HUWE1: variants seen among roughly 807,000 people sequenced by gnomAD.
HUWE1 encodes the protein HECT, UBA and WWE domain containing E3 ubiquitin protein ligase 1, also known as E3 ubiquitin-protein ligase HUWE1.
A neutral mutation model predicts 299.4 loss-of-function variants in HUWE1; 18 were observed. The observed-to-expected ratio is 0.06, with a 90% confidence interval of 0.04 to 0.09. HUWE1 has a LOEUF of 0.09. Among genes scored for constraint, HUWE1 ranks in the 10% least tolerant of loss-of-function variants. The probability of loss-of-function intolerance (pLI) is 1.00; values close to 1 mark genes in which losing one functional copy is unlikely to be tolerated. For synonymous variants in HUWE1, 1,317 were observed against 1,286.1 expected (o/e 1.02, Z -0.51); for missense variants, 1,832 against 3,462.3 (o/e 0.53, Z 11.82).
chrX:53,533,863 T>G (rs1556908929), intron 83 of HUWE1, 144 bp downstream of exon 83: 1 of 571,125 alleles, frequency 1.8e-6, no homozygotes, highest in Non-Finnish European at 3.0e-6. Flanking sequence ...AAACATCACC[T>G]CCATAGAAAC....
intron 25 of HUWE1, 57 bp from the exon 26 acceptor site, chrX:53,604,891 G>A: frequency 9.3e-7 from 1 of 1,078,331 alleles, no homozygotes; most frequent in South Asian, 1.9e-5. Context: ...AATTCATCAT[G>A]TCTTTTAATA....
chrX:53,618,361 G>GT (rs1341545675), intron 19 of HUWE1, among the ~76,000 whole-genome samples: 2 of 109,809 alleles, frequency 1.8e-5, no homozygotes, highest in Non-Finnish European at 3.8e-5. Context: ...TCTACAAAGT[G>GT]TATGCCAACA....
chrX:53,569,220 T>C (rs782266240), intron 48 of HUWE1, among the ~76,000 whole-genome samples: 26 of 112,090 alleles, frequency 2.3e-4, no homozygotes, highest in Non-Finnish European at 3.9e-4. Context: ...GGTTTCGCCA[T>C]GTTGCCAAGG....
chrX:53,663,725 T>C lies in HUWE1; in HGVS notation c.-24-9594A>G, dbSNP rs782168423. ...TTCACTGTAATATAATAAGCACTTA[T>C]GCAGGTTTGAACAGAATGATATCCA... On this transcript the variant is annotated intron_variant, in intron 3 of 83. Transcript: ENST00000262854. Among the ~76,000 whole-genome samples, 19 of 111,210 alleles carry C rather than the reference T, an allele frequency of 1.7e-4. No homozygotes were observed. In the East Asian group the frequency reaches 4.2e-3, roughly 25 times the overall value.
chrX:53,549,202 A>G lies in HUWE1; in HGVS notation c.9792T>C (p.His3264=). ...GTAGCAGGTCCAGGGGACGGTTCTC[A>G]TGGCTACTTGACCCACAGCTCTTGC... ...KSSKSCGSSS[H]ENRPLDLLHK... is the part of the protein sequence containing the mutation. The change falls in exon 67 of 84, where the codon CAT becomes CAC. Residue 3264 remains histidine (H), a synonymous_variant. Coordinates refer to ENST00000262854, the MANE Select transcript of HUWE1 (RefSeq NM_031407.7). The G allele has an allele frequency of 8.3e-7, 1 of 1,212,011 alleles. No individual in the cohort carries two copies. The highest frequency in any genetic ancestry group is 2.3e-4 in the Middle Eastern group (1 of 4,352).
rs188771707 is a variant in HUWE1, at chrX:53,621,855, C to T, written c.1672+2740G>A. Among the ~76,000 whole-genome samples the T allele has an allele frequency of 2.7e-5, 3 of 112,304 alleles. No individual in the cohort carries two copies. The East Asian group carries it at 8.4e-4, about 31-fold the overall frequency. On this transcript the variant is annotated intron_variant, in intron 19 of 83. Transcript: ENST00000262854. Reference sequence around the variant, plus strand: ...TGGAGGATTTCAATACTCATATTGACAACTTGCTACACTCTCTGGTTAAGT... The same window carrying T: ...TGGAGGATTTCAATACTCATATTGATAACTTGCTACACTCTCTGGTTAAGT...
At chrX:53,546,888 A>G (rs1401173243) in intron 68 of HUWE1, 63 bp from the exon 69 acceptor site, 65 of 1,157,449 alleles carry the variant, frequency 5.6e-5, no homozygotes, top group Non-Finnish European at 7.4e-5. Context: ...GGACTAAGTG[A>G]CAAAATCAAG....
At chrX:53,638,662 T>C (rs1172789483) in intron 7 of HUWE1, among the ~76,000 whole-genome samples, 1 of 112,271 alleles carries the variant, frequency 8.9e-6, no homozygotes, top group Non-Finnish European at 1.9e-5. Context: ...GGGAACTTTA[T>C]AGCAATGCAA....
At position 53,577,479 on chromosome X, in the gene HUWE1, CCCTCTCCCT is replaced by C. The variant is rs1181029278; in HGVS notation, c.5717-421_5717-413del. Among the ~76,000 whole-genome samples, 705 of 85,265 alleles carry C rather than the reference CCCTCTCCCT, an allele frequency of 8.3e-3. 7 individuals are homozygous for C. Among genetic ancestry groups the C allele is most frequent in the African/African-American group, 0.024 (589 of 24,143 alleles). 74.0% of individuals were successfully genotyped at this position (85,265 alleles called of 115,157 possible). A position where few individuals can be genotyped will look rare whatever the true frequency, so the allele number is the denominator to read the frequency against. ...TATTAAAAAAAAAAAAAAAAAAACT[CCCTCTCCCT>C]CCTCTCCCTCCTCTCCCTCTCCCTC... On this transcript the variant is annotated intron_variant, in intron 43 of 83. Transcript: ENST00000262854.
intron 31 of HUWE1, among the ~76,000 whole-genome samples, chrX:53,593,930 C>T (rs942882721): frequency 7.3e-5 from 8 of 110,279 alleles, no homozygotes; most frequent in African/African-American, 2.6e-4. Context: ...AACCTCGTCT[C>T]TACTAAATAT....
At chrX:53,554,535 CCTA>C (rs1475380335) in intron 61 of HUWE1, 95 bp downstream of exon 61, 1 of 879,475 alleles carries the variant, frequency 1.1e-6, no homozygotes, top group African/African-American at 2.0e-5. Context: ...AAGTTGAACT[CCTA>C]CTATTTCTCT....
intron 2 of HUWE1, among the ~76,000 whole-genome samples, chrX:53,682,410 T>C (rs1299153986): frequency 1.8e-5 from 2 of 111,349 alleles, no homozygotes; most frequent in Non-Finnish European, 3.8e-5. Flanking sequence ...CTCCTCAATC[T>C]ATGCAACACT....
chrX:53,631,965 T>A (rs1381512722), intron 9 of HUWE1: 3 of 328,602 alleles, frequency 9.1e-6, no homozygotes, highest in Non-Finnish European at 1.6e-5. Flanking sequence ...TCTGAATATG[T>A]ATTAGAGTTG....
chrX:53,539,531 T>C, intron 75 of HUWE1, 126 bp downstream of exon 75: 1 of 649,439 alleles, frequency 1.5e-6, no homozygotes, highest in Admixed American at 3.0e-5. Flanking sequence ...AACACTTCTC[T>C]TTTGAATTCT....
chrX:53,590,074 A>G (rs782163038), intron 35 of HUWE1, among the ~76,000 whole-genome samples: 16 of 112,325 alleles, frequency 1.4e-4, no homozygotes, highest in Non-Finnish European at 2.8e-4. Context: ...AATCATTTCT[A>G]GACACTGTTC....
rs1265055441 is a variant in HUWE1 at position 53,628,786 on chromosome X, T to C, written c.1080A>G (p.Pro360=). ...CCTGGATACAGTTCCTTACAAGCAC[T>C]GGCAAAAATCCATGGTAGGAGGCAG... ...TGTASYHGFL[P]VLVRNCIQAM... is the part of the protein sequence containing the mutation. Residue 360 remains proline (P), a synonymous_variant, in exon 14 of 84, where the codon CCA becomes CCG. Transcript: ENST00000262854. The C allele has an allele frequency of 3.3e-6, 4 of 1,211,827 alleles. No homozygotes were observed. The highest frequency in any genetic ancestry group is 4.5e-6 in the Non-Finnish European group (4 of 895,266).
At chrX:53,562,329 G>A in intron 53 of HUWE1, 85 bp from the exon 54 acceptor site, 1 of 1,093,805 alleles carries the variant, frequency 9.1e-7, no homozygotes, top group Non-Finnish European at 1.2e-6. Flanking sequence ...GAGTGGGAAG[G>A]TGATGGGATA....
At chrX:53,651,904 G>A (rs997649305) in intron 4 of HUWE1, among the ~76,000 whole-genome samples, 5 of 111,270 alleles carry the variant, frequency 4.5e-5, no homozygotes, top group Middle Eastern at 4.6e-3. Flanking sequence ...GTCCCTCTGC[G>A]GCTGACTTAT....
intron 4 of HUWE1, among the ~76,000 whole-genome samples, chrX:53,653,292 T>C (rs1205181574): frequency 1.8e-5 from 2 of 112,503 alleles, no homozygotes; most frequent in East Asian, 2.8e-4. Flanking sequence ...TGCCAGATAC[T>C]ATGCTAAGCA....
Sources: allele counts gnomAD v4.1 joint callset (sites outside exome capture counted in the v4.1 genomes callset), GRCh38; gene constraint gnomAD v4.1.1; transcripts MANE v1.5; gene names NCBI Gene and HGNC (gene_info 2026-07-23, HGNC 2026-07-21).